Variants in PLCB4 observed in about 807,000 individuals in gnomAD.
PLCB4 encodes phospholipase C beta 4.
PLCB4 carries 77 observed loss-of-function variants against 178.8 expected under a neutral mutation model. The ratio of observed to expected loss-of-function variants is 0.43; its 90% CI spans 0.36 to 0.52. PLCB4 has a LOEUF of 0.52. Among genes scored for constraint, PLCB4 ranks in the 20% least tolerant of loss-of-function variants. PLCB4 has a pLI of 0.00. For missense variants in PLCB4, 1,024 were observed against 1,453.4 expected (o/e 0.70, Z 4.80); for synonymous variants, 496 against 490.8 (o/e 1.01, Z -0.14).
At chr20:9,074,649 G>A (rs185653361) in intron 1 of PLCB4, among the ~76,000 whole-genome samples, 7 of 152,088 alleles carry the variant, frequency 4.6e-5, no homozygotes, top group African/African-American at 1.7e-4. Flanking sequence ...CTTTGGACTT[G>A]CCAAGCCCAG....
At chr20:9,359,216 T>TG (rs2035107367) in intron 7 of PLCB4, among the ~76,000 whole-genome samples, 1 of 152,194 alleles carries the variant, frequency 6.6e-6, no homozygotes, top group South Asian at 2.1e-4. Flanking sequence ...AGTCCTAATG[T>TG]TCCCGGGGCA....
intron 3 of PLCB4, among the ~76,000 whole-genome samples, chr20:9,244,647 T>C (rs1379335133): frequency 5.3e-5 from 8 of 152,230 alleles, no homozygotes; most frequent in Non-Finnish European, 1.2e-4. Context: ...CTTTACTGTA[T>C]GTACTTGATG....
intron 7 of PLCB4, 69 bp from the exon 8 acceptor site, chr20:9,362,827 C>A: frequency 2.3e-6 from 2 of 883,106 alleles, no homozygotes; most frequent in Non-Finnish European, 3.8e-6. Context: ...TACAATCTAT[C>A]TAATAAAAAC....
intron 3 of PLCB4, among the ~76,000 whole-genome samples, chr20:9,292,887 T>C (rs1335854527): frequency 6.6e-6 from 1 of 152,126 alleles, no homozygotes; most frequent in Non-Finnish European, 1.5e-5. Context: ...GAGACTAGCC[T>C]GGCCAACATG....
rs117374429 is a variant in PLCB4 at position 9,356,630 on chromosome 20, G to A, written c.370-6266G>A. 1.4e-3 allele frequency among the ~76,000 whole-genome samples: 208 copies of A among 152,306 alleles called. 3 individuals are homozygous for A. The East Asian group carries it at 0.035, about 26-fold the overall frequency. The stretch of plus-strand genomic sequence containing the variant: ...TAGTTTGCTCCAAGTGCATGGAAAT[G>A]TGTCTTATTTCTCTTGAATGCCCTT... On this transcript the variant is annotated intron_variant, in intron 7 of 39. Transcript: ENST00000378473.
chr20:9,478,820 T>C, intron 39 of PLCB4, 101 bp from the exon 40 acceptor site: 1 of 829,066 alleles, frequency 1.2e-6, no homozygotes, highest in Non-Finnish European at 2.1e-6. Context: ...AGCAAGGATG[T>C]GGTGACAGGA....
At chr20:9,284,492 G>A (rs577018041) in intron 3 of PLCB4, among the ~76,000 whole-genome samples, 1 of 151,898 alleles carries the variant, frequency 6.6e-6, no homozygotes, top group Non-Finnish European at 1.5e-5. Context: ...GGGAGATGAG[G>A]AGCCTTATGA....
rs887605640 is a variant in PLCB4, at chr20:9,331,679, G to C, written c.85-5447G>C. On this transcript the variant is annotated intron_variant, in intron 4 of 39. Transcript: ENST00000378473. ...ATGTTTAATGTTAGTTGATTTGAAAGTAACTTGAATCTTTGAAAAATAGGT... is the reference window on the plus strand; with the variant it reads ...ATGTTTAATGTTAGTTGATTTGAAACTAACTTGAATCTTTGAAAAATAGGT... Among the ~76,000 whole-genome samples, 3 of 152,188 alleles carry C rather than the reference G, an allele frequency of 2.0e-5. No individual in the cohort carries two copies. The South Asian group carries it at 6.2e-4, about 32-fold the overall frequency.
At chr20:9,229,904 A>G (rs1294472767) in intron 3 of PLCB4, among the ~76,000 whole-genome samples, 2 of 152,078 alleles carry the variant, frequency 1.3e-5, no homozygotes, top group Admixed American at 1.3e-4. Flanking sequence ...AGGAATTATC[A>G]GAGTGATTAT....
intron 13 of PLCB4, among the ~76,000 whole-genome samples, chr20:9,383,466 G>T (rs1651430336): frequency 6.6e-6 from 1 of 152,160 alleles, no homozygotes; most frequent in Non-Finnish European, 1.5e-5. Flanking sequence ...AAAACTTGAA[G>T]CTGTCGATGC....
At chr20:9,163,295 A>G (rs1329366140) in intron 2 of PLCB4, among the ~76,000 whole-genome samples, 1 of 152,198 alleles carries the variant, frequency 6.6e-6, no homozygotes, top group East Asian at 1.9e-4. Flanking sequence ...ATTTTTCACT[A>G]AAAGTAGAGA....
At chr20:9,239,332 T>A (rs566485839) in intron 3 of PLCB4, among the ~76,000 whole-genome samples, 1 of 152,344 alleles carries the variant, frequency 6.6e-6, no homozygotes, top group East Asian at 1.9e-4. Flanking sequence ...AGCTTTCCCA[T>A]GTCAGTATAG....
intron 2 of PLCB4, among the ~76,000 whole-genome samples, chr20:9,175,502 T>G (rs948106352): frequency 6.6e-6 from 1 of 152,180 alleles, no homozygotes; most frequent in Non-Finnish European, 1.5e-5. Context: ...GAAGAAATAG[T>G]CCTTCTTAGT....
chr20:9,235,269 TG>T (rs2093980853), intron 3 of PLCB4, among the ~76,000 whole-genome samples: 1 of 152,112 alleles, frequency 6.6e-6, no homozygotes, highest in African/African-American at 2.4e-5. Context: ...GTACAGTTGC[TG>T]GTGATGATGA....
intron 35 of PLCB4, among the ~76,000 whole-genome samples, chr20:9,467,318 G>A (rs536971587): frequency 8.1e-4 from 124 of 152,248 alleles, no homozygotes; most frequent in Non-Finnish European, 1.6e-3. Context: ...TAGGAGAAAT[G>A]TCTAATGTAA....
At chr20:9,365,083 T>C (rs1263973130) in intron 8 of PLCB4, among the ~76,000 whole-genome samples, 1 of 152,190 alleles carries the variant, frequency 6.6e-6, no homozygotes, top group Non-Finnish European at 1.5e-5. Flanking sequence ...GTACCAACAA[T>C]GTGTTTTGCT....
At chr20:9,406,554 T>G (rs1438158451) in intron 21 of PLCB4, among the ~76,000 whole-genome samples, 2 of 151,626 alleles carry the variant, frequency 1.3e-5, no homozygotes, top group Non-Finnish European at 2.9e-5. Context: ...AGTGGCGTGA[T>G]CTCCGCTCAC....
intron 2 of PLCB4, among the ~76,000 whole-genome samples, chr20:9,102,620 A>C (rs923757170): frequency 6.6e-5 from 10 of 152,204 alleles, no homozygotes; most frequent in Non-Finnish European, 1.3e-4. Context: ...TATATTTGAA[A>C]TGTTTTTAGT....
At chr20:9,404,300 C>G (rs1318166065) in intron 20 of PLCB4, among the ~76,000 whole-genome samples, 1 of 152,092 alleles carries the variant, frequency 6.6e-6, no homozygotes, top group East Asian at 1.9e-4. Context: ...TAGGCAGATA[C>G]ATTTGGTGAT....
Sources: gnomAD v4.1 joint callset for allele counts (sites outside exome capture counted in the v4.1 genomes callset) on GRCh38, gnomAD v4.1.1 for gene constraint, MANE v1.5 for transcripts, NCBI Gene and HGNC (gene_info 2026-07-23, HGNC 2026-07-21) for gene names.